The following RBMS1 variants were observed in gnomAD, a reference collection of about 807,000 sequenced individuals.
RBMS1 encodes RNA binding motif single stranded interacting protein 1.
In RBMS1, 17 loss-of-function variants were observed where a neutral mutation model predicts 62.3. The observed-to-expected ratio is 0.27, with a 90% CI of 0.19 to 0.41. RBMS1 has a LOEUF of 0.41. RBMS1 is among the 10% of genes least tolerant of loss of function. RBMS1 has a pLI of 1.00. For synonymous variants in RBMS1, 172 were observed against 170.0 expected, an observed-to-expected ratio of 1.01 and a Z score of -0.09; for missense variants, 334 against 504.5, an observed-to-expected ratio of 0.66 and a Z score of 3.24.
chr2:160,367,918 GACATCT>G (rs1322176704), intron 1 of RBMS1, among the ~76,000 whole-genome samples: 20 of 152,152 alleles, frequency 1.3e-4, no homozygotes. Flanking sequence ...ACTTCATTGA[GACATCT>G]GGGTAAGATT....
At chr2:160,350,766 GGGTT>G (rs1383371016) in intron 2 of RBMS1, among the ~76,000 whole-genome samples, 2 of 152,104 alleles carry the variant, frequency 1.3e-5, no homozygotes, top group Non-Finnish European at 2.9e-5. Context: ...TTGGACATTT[GGGTT>G]GGTTCCAAGT....
At position 160,318,229 on chromosome 2, in the gene RBMS1, T is replaced by TAAAAAAAAAAAAAAAAA. The variant is rs5835799; in HGVS notation, c.252-19_252-3dup. 4.3e-5 allele frequency: 50 copies of TAAAAAAAAAAAAAAAAA among 1,164,694 alleles called. No individual in the cohort carries two copies. The highest frequency in any genetic ancestry group is 3.1e-4 in the Middle Eastern group (1 of 3,226). The allele number at this position is 1,164,694 out of a possible 1,614,324, so 72.1% of individuals were successfully genotyped here. A position where few individuals can be genotyped will look rare whatever the true frequency, so the allele number is the denominator to read the frequency against. ...TTTGTGGAGACTATTTTCCCATATCTAAAAAAAAAAAAAAAAAAAAAAAGG... is the reference window on the plus strand; with the variant it reads ...TTTGTGGAGACTATTTTCCCATATCTAAAAAAAAAAAAAAAAAAAAAAAAAAAAAAAAAAAAAAAAGG... On this transcript the variant is annotated splice_polypyrimidine_tract_variant and splice_region_variant and intron_variant, in intron 2 of 13. Coordinates refer to ENST00000348849, the MANE Select transcript of RBMS1 (RefSeq NM_016836.4).
intron 9 of RBMS1, chr2:160,282,413 A>C (rs1056927761): frequency 1.2e-6 from 1 of 867,858 alleles, no homozygotes; most frequent in African/African-American, 1.7e-5. Flanking sequence ...CAATTTCTCA[A>C]ATCCAATTGC....
chr2:160,359,177 G>A (rs1486049501), intron 2 of RBMS1, among the ~76,000 whole-genome samples: 3 of 152,136 alleles, frequency 2.0e-5, no homozygotes, highest in Non-Finnish European at 4.4e-5. Context: ...ATATCTTAAA[G>A]AGAAGCTATT....
At position 160,273,173 on chromosome 2, in the gene RBMS1, T is replaced by G. The variant is rs1201540903; in HGVS notation, c.*1599A>C. 1 of 152,264 alleles carries G rather than the reference T, an allele frequency of 6.6e-6. No homozygotes were observed. Among genetic ancestry groups the G allele is most frequent in the East Asian group, 1.9e-4 (1 of 5,206 alleles). The allele number at this position is 152,264 out of a possible 1,614,324, so 9.4% of individuals were successfully genotyped here. On this transcript the variant is annotated 3_prime_UTR_variant, in exon 14 of 14. Transcript: ENST00000348849. ...TACTAAAGTAGAAATAACTGTGTAT[T>G]TATGAATCAGGAATTTCATAGTTTC...
intron 1 of RBMS1, among the ~76,000 whole-genome samples, chr2:160,461,991 A>G (rs1478247629): frequency 2.6e-5 from 4 of 152,182 alleles, no homozygotes; most frequent in Non-Finnish European, 4.4e-5. Context: ...TCAGTTTTCT[A>G]TGATAATGGA....
chr2:160,391,794 A>G (rs1694877152), intron 1 of RBMS1, among the ~76,000 whole-genome samples: 1 of 152,130 alleles, frequency 6.6e-6, no homozygotes. Context: ...CCTGGCCAAC[A>G]TGGCGAAACC....
intron 1 of RBMS1, among the ~76,000 whole-genome samples, chr2:160,438,416 G>A (rs1183076175): frequency 2.0e-5 from 3 of 151,962 alleles, no homozygotes; most frequent in Non-Finnish European, 4.4e-5. Context: ...GCCTTCCGCA[G>A]TGTTTGTGTC....
At position 160,300,687 on chromosome 2, in the gene RBMS1, T is replaced by C. The variant is rs760220937; in HGVS notation, c.604A>G (p.Asn202Asp). The C allele has an allele frequency of 2.5e-6, 4 of 1,603,238 alleles. No homozygotes were observed. The highest frequency in any genetic ancestry group is 2.6e-6 in the Non-Finnish European group (3 of 1,175,862). Residue 202 changes from asparagine (N) to aspartate (D), a missense_variant, in exon 6 of 14, where the codon AAT becomes GAT. By Grantham distance (23) the Asn-to-Asp change is conservative. Transcript: ENST00000348849. Reference sequence around the variant, plus strand: ...GGTGGTGTCTTAATAAATTTTCCATTAAAATGACCAATAACAGCTTCACAT... The same window carrying C: ...GGTGGTGTCTTAATAAATTTTCCATCAAAATGACCAATAACAGCTTCACAT... The part of the protein sequence containing the change: ...EKCEAVIGHF[N>D]GKFIKTPPGV...
chr2:160,285,348 T>C (rs567994152), intron 7 of RBMS1, among the ~76,000 whole-genome samples: 3 of 152,284 alleles, frequency 2.0e-5, no homozygotes, highest in South Asian at 2.1e-4. Context: ...AAAATGACTA[T>C]AAATATGAAA....
intron 7 of RBMS1, among the ~76,000 whole-genome samples, chr2:160,286,305 T>G (rs13006834): frequency 0.64 from 85,042 of 132,228 alleles, 26,199 homozygotes; most frequent in East Asian, 0.76. Flanking sequence ...CTTCCTTTCT[T>G]TTTTTTTTTT....
intron 9 of RBMS1, 141 bp downstream of exon 9, chr2:160,284,634 T>G (rs1418466403): frequency 1.4e-6 from 1 of 691,548 alleles, no homozygotes; most frequent in African/African-American, 1.8e-5. Flanking sequence ...ACAAAGCAGC[T>G]CATACTAAAT....
intron 1 of RBMS1, among the ~76,000 whole-genome samples, chr2:160,437,442 ATT>A (rs1156276203): frequency 6.6e-6 from 1 of 152,246 alleles, no homozygotes; most frequent in Non-Finnish European, 1.5e-5. Context: ...AATTTCAAAA[ATT>A]GCCAGTTCTG....
At chr2:160,484,524 ACGC>A (rs1685509796) in intron 1 of RBMS1, among the ~76,000 whole-genome samples, 2 of 150,626 alleles carry the variant, frequency 1.3e-5, no homozygotes, top group Non-Finnish European at 3.0e-5. Flanking sequence ...AAAAAAATGT[ACGC>A]CATCATCGGA....
chr2:160,316,134 T>G (rs117171103), intron 3 of RBMS1, among the ~76,000 whole-genome samples: 5 of 152,312 alleles, frequency 3.3e-5, no homozygotes, highest in African/African-American at 1.2e-4. Context: ...TATCTACCTA[T>G]CACGTCAAGT....
intron 1 of RBMS1, among the ~76,000 whole-genome samples, chr2:160,468,266 G>A (rs1054631823): frequency 1.3e-5 from 2 of 152,202 alleles, no homozygotes; most frequent in African/African-American, 2.4e-5. Context: ...TCCACTACAT[G>A]AGTAACAAAG....
chr2:160,488,878 C>T (rs906885113), intron 1 of RBMS1, among the ~76,000 whole-genome samples: 8 of 151,832 alleles, frequency 5.3e-5, no homozygotes, highest in African/African-American at 9.7e-5. Context: ...AGCTAGATGC[C>T]GAAATGGTTT....
chr2:160,346,121 C>T (rs2105999946), intron 2 of RBMS1, among the ~76,000 whole-genome samples: 1 of 152,112 alleles, frequency 6.6e-6, no homozygotes, highest in Admixed American at 6.5e-5. Flanking sequence ...CCAGGTATGC[C>T]CCTTCTTAAA....
intron 1 of RBMS1, among the ~76,000 whole-genome samples, chr2:160,384,260 T>A (rs1694452541): frequency 6.6e-6 from 1 of 152,212 alleles, no homozygotes; most frequent in Admixed American, 6.5e-5. Context: ...AAAATTGAAT[T>A]TTCTTTATGG....
Sources: allele counts gnomAD v4.1 joint callset (sites outside exome capture counted in the v4.1 genomes callset), GRCh38; gene constraint gnomAD v4.1.1; transcripts MANE v1.5; gene names NCBI Gene and HGNC (gene_info 2026-07-23, HGNC 2026-07-21).